RERG: variants seen among roughly 807,000 people sequenced by gnomAD.
RERG encodes ras-related and estrogen-regulated growth inhibitor.
RERG carries 25 observed loss-of-function variants against 23.2 expected under a neutral mutation model. The observed-to-expected ratio is 1.08, with a 90% CI of 0.79 to 1.50. RERG has a LOEUF of 1.50. Among genes scored for constraint, RERG ranks in the 40% most tolerant of loss-of-function variants. The probability of loss-of-function intolerance (pLI) is 0.00; values close to 1 mark genes in which losing one functional copy is unlikely to be tolerated. For synonymous variants in RERG, 81 were observed against 89.1 expected (o/e 0.91, Z 0.51); for missense variants, 253 against 250.1 (o/e 1.01, Z -0.08).
intron 3 of RERG, 70 bp downstream of exon 3, chr12:15,120,993 G>A: frequency 1.7e-6 from 2 of 1,173,086 alleles, no homozygotes; most frequent in Non-Finnish European, 2.5e-6. Context: ...TGTTGCAACA[G>A]AAAACATTAT....
chr12:15,109,197 C>T lies in RERG; in HGVS notation c.513G>A (p.Arg171=), dbSNP rs773367586. 3 of 1,613,814 alleles carry T rather than the reference C, an allele frequency of 1.9e-6. No individual in the cohort carries two copies. Among genetic ancestry groups the T allele is most frequent in the Non-Finnish European group, 2.5e-6 (3 of 1,179,922 alleles). Residue 171 remains arginine, a synonymous_variant, in exon 5 of 5, where the codon AGG becomes AGA. Coordinates refer to ENST00000256953, the MANE Select transcript of RERG (RefSeq NM_032918.3). The stretch of plus-strand genomic sequence containing the variant: ...GTCGCCTCGTCTTGCCCTGCACCAT[C>T]CTCCGGCGACGCACCTCTCGACACA... ...YELCREVRRR[R]MVQGKTRRRS... is the part of the protein sequence containing the mutation.
intron 2 of RERG, among the ~76,000 whole-genome samples, chr12:15,194,455 CTGAA>C (rs1452629794): frequency 6.6e-6 from 1 of 151,302 alleles, no homozygotes; most frequent in Non-Finnish European, 1.5e-5. Context: ...TTTTATTAGA[CTGAA>C]TGTTTTTAAC....
chr12:15,123,987 C>T (rs964396375), intron 2 of RERG, among the ~76,000 whole-genome samples: 3 of 152,082 alleles, frequency 2.0e-5, no homozygotes, highest in African/African-American at 7.2e-5. Context: ...CTCCTTTTGC[C>T]TAATTTACAA....
At chr12:15,190,688 C>T (rs1865058363) in intron 2 of RERG, among the ~76,000 whole-genome samples, 1 of 151,862 alleles carries the variant, frequency 6.6e-6, no homozygotes, top group South Asian at 2.2e-4. Flanking sequence ...TGGACGGAGC[C>T]AAAGATGGGA....
chr12:15,137,763 C>T (rs1864168437), intron 2 of RERG: 1 of 386,298 alleles, frequency 2.6e-6, no homozygotes, highest in Middle Eastern at 8.8e-4. Flanking sequence ...GTTTCCTTTA[C>T]TACATTGAAC....
At chr12:15,157,273 A>G (rs1864536309) in intron 2 of RERG, among the ~76,000 whole-genome samples, 1 of 152,226 alleles carries the variant, frequency 6.6e-6, no homozygotes, top group Non-Finnish European at 1.5e-5. Flanking sequence ...ATTATTTGTA[A>G]TCAGCAGATA....
intron 2 of RERG, among the ~76,000 whole-genome samples, chr12:15,189,096 T>C (rs1865033345): frequency 2.6e-5 from 4 of 152,234 alleles, no homozygotes; most frequent in Admixed American, 2.6e-4. Context: ...TCTAGGTTCC[T>C]ACCCTTGTTT....
chr12:15,192,332 T>C (rs992275098), intron 2 of RERG, among the ~76,000 whole-genome samples: 2 of 152,174 alleles, frequency 1.3e-5, no homozygotes, highest in African/African-American at 4.8e-5. Flanking sequence ...GTATAGCCTA[T>C]AGAATCATCA....
chr12:15,152,219 C>A (rs1864454975), intron 2 of RERG: 1 of 152,196 alleles, frequency 6.6e-6, no homozygotes, highest in African/African-American at 2.4e-5. Context: ...ACAGCATTAG[C>A]AAAGTCATAG....
intron 2 of RERG, among the ~76,000 whole-genome samples, chr12:15,201,355 C>T (rs1012631896): frequency 1.3e-5 from 2 of 151,742 alleles, no homozygotes; most frequent in African/African-American, 2.4e-5. Context: ...ACTAGCTCTG[C>T]TGAAATCCCA....
intron 2 of RERG, among the ~76,000 whole-genome samples, chr12:15,216,287 C>T (rs1466510017): frequency 6.6e-6 from 1 of 152,186 alleles, no homozygotes; most frequent in Non-Finnish European, 1.5e-5. Flanking sequence ...ATCTATTTTC[C>T]TTGTGTGGTT....
At chr12:15,149,517 G>T (rs1166935075) in intron 2 of RERG, among the ~76,000 whole-genome samples, 1 of 152,152 alleles carries the variant, frequency 6.6e-6, no homozygotes, top group African/African-American at 2.4e-5. Flanking sequence ...CTGATGGGGA[G>T]AAAGATGTTC....
chr12:15,221,040 T>A (rs531445856), intron 1 of RERG, among the ~76,000 whole-genome samples, 155 bp downstream of exon 1: 2 of 152,216 alleles, frequency 1.3e-5, no homozygotes, highest in South Asian at 4.1e-4. Context: ...GCTGCTGGTG[T>A]TCACATCTCC....
In RERG at chr12:15,117,675, G is replaced by GCACA. The variant is rs3084648; in HGVS notation, c.118+3384_118+3387dup. ...CTCCAAATGCCTCCATCACACACGCGCACACACACACACACACACACACAC... is the reference window on the plus strand; with the variant it reads ...CTCCAAATGCCTCCATCACACACGCGCACACACACACACACACACACACACACAC... On this transcript the variant is annotated intron_variant, in intron 3 of 4. Coordinates refer to ENST00000256953, the MANE Select transcript of RERG (RefSeq NM_032918.3). 1.8e-3 allele frequency among the ~76,000 whole-genome samples: 264 copies of GCACA among 145,132 alleles called. 1 individual carries two copies. Among genetic ancestry groups the GCACA allele is most frequent in the Admixed American group, 3.3e-3 (49 of 14,962 alleles).
intron 2 of RERG, among the ~76,000 whole-genome samples, chr12:15,184,315 T>G (rs1418991566): frequency 6.6e-6 from 1 of 152,222 alleles, no homozygotes; most frequent in African/African-American, 2.4e-5. Flanking sequence ...GAACCTAGTT[T>G]AAACAAGAGG....
At chr12:15,111,811 G>T (rs1005817116) in intron 3 of RERG, among the ~76,000 whole-genome samples, 1 of 151,846 alleles carries the variant, frequency 6.6e-6, no homozygotes, top group Non-Finnish European at 1.5e-5. Flanking sequence ...AAGTAGCTGG[G>T]ATTACAGGTG....
At chr12:15,187,829 GATTACAGGTGTGAA>G (rs976576859) in intron 2 of RERG, among the ~76,000 whole-genome samples, 2 of 152,022 alleles carry the variant, frequency 1.3e-5, no homozygotes, top group African/African-American at 4.8e-5. Context: ...AAAGTGCTGG[GATTACAGGTGTGAA>G]CCACCGTGCC....
At chr12:15,129,291 AC>A (rs984788741) in intron 2 of RERG, among the ~76,000 whole-genome samples, 13 of 150,004 alleles carry the variant, frequency 8.7e-5, no homozygotes, top group African/African-American at 2.0e-4. Flanking sequence ...AAAAAAAAAA[AC>A]CCTCAGAAAA....
chr12:15,197,834 G>T (rs141123851), intron 2 of RERG, among the ~76,000 whole-genome samples: 639 of 152,188 alleles, frequency 4.2e-3, no homozygotes, highest in Non-Finnish European at 7.3e-3. Flanking sequence ...AGTGGTGGGC[G>T]GTGCAGAGAA....
Sources: gnomAD v4.1 joint callset for allele counts (sites outside exome capture counted in the v4.1 genomes callset) on GRCh38, gnomAD v4.1.1 for gene constraint, MANE v1.5 for transcripts, NCBI Gene and HGNC (gene_info 2026-07-23, HGNC 2026-07-21) for gene names.